The following C8A variants were observed in gnomAD, a reference collection of about 807,000 sequenced individuals.
C8A encodes the protein complement component C8 alpha chain.
In C8A, 67 loss-of-function variants were observed where a neutral mutation model predicts 65.3. The ratio of observed to expected loss-of-function variants is 1.03; its 90% CI spans 0.84 to 1.26. The LOEUF (loss-of-function observed/expected upper bound fraction) is 1.26, where lower values mean the gene tolerates loss of function less well. C8A is among the 50% of genes most tolerant of loss of function. The pLI is 0.00. For synonymous variants in C8A, 290 were observed against 259.4 expected (o/e 1.12, Z -1.13); for missense variants, 781 against 723.9 (o/e 1.08, Z -0.90).
At chr1:56,873,429 C>A (rs2101212906) in intron 2 of C8A, among the ~76,000 whole-genome samples, 1 of 152,280 alleles carries the variant, frequency 6.6e-6, no homozygotes, top group Admixed American at 6.5e-5. Flanking sequence ...TGCTCATGGG[C>A]AGTTGGTAAG....
Position 56,912,641 on chromosome 1 carries a change from C to T in C8A, c.1603+16C>T, listed in dbSNP as rs372003310. On this transcript the variant is annotated intron_variant, in intron 10 of 10. Coordinates refer to ENST00000361249, the MANE Select transcript of C8A (RefSeq NM_000562.3). Reference sequence around the variant, plus strand: ...CAGACAGAAGGTAAGGTCCGTGCATCCCCACCCAGTTCCAGCCTGTCCCAG... The same window carrying T: ...CAGACAGAAGGTAAGGTCCGTGCATTCCCACCCAGTTCCAGCCTGTCCCAG... The T allele has an allele frequency of 1.9e-6, 3 of 1,609,752 alleles. No homozygotes were observed. Among genetic ancestry groups the T allele is most frequent in the Non-Finnish European group, 1.7e-6 (2 of 1,176,546 alleles).
At chr1:56,903,373 T>G (rs772224607) in intron 7 of C8A, among the ~76,000 whole-genome samples, 17 of 152,170 alleles carry the variant, frequency 1.1e-4, no homozygotes, top group Non-Finnish European at 2.2e-4. Flanking sequence ...AAGAAGGATG[T>G]GTTTGCTTCC....
intron 7 of C8A, among the ~76,000 whole-genome samples, chr1:56,896,906 C>T (rs1037255048): frequency 6.6e-6 from 1 of 152,140 alleles, no homozygotes; most frequent in Admixed American, 6.5e-5. Flanking sequence ...CTTATCCAAG[C>T]CTTGTGGCAA....
chr1:56,864,045 C>T (rs1282901467), intron 1 of C8A, among the ~76,000 whole-genome samples: 1 of 152,078 alleles, frequency 6.6e-6, no homozygotes, highest in Non-Finnish European at 1.5e-5. Flanking sequence ...ATTCATAGAG[C>T]CTAGAATCTG....
In C8A at chr1:56,915,822, C is replaced by T. The variant is rs142390377; in HGVS notation, c.1604-1743C>T. ...ACATTACACCCTACTGAGTCACATCCTAAGAGTGAGGAAATTTGGGGAATG... is the reference window on the plus strand; with the variant it reads ...ACATTACACCCTACTGAGTCACATCTTAAGAGTGAGGAAATTTGGGGAATG... On this transcript the variant is annotated intron_variant, in intron 10 of 10. Coordinates refer to ENST00000361249, the MANE Select transcript of C8A (RefSeq NM_000562.3). Among the ~76,000 whole-genome samples the T allele has an allele frequency of 1.2e-3, 190 of 152,272 alleles. 1 individual carries two copies. Among genetic ancestry groups the T allele is most frequent in the African/African-American group, 4.1e-3 (172 of 41,538 alleles).
rs61482695 is a variant in C8A, at chr1:56,883,467, C to CTT, written c.655-5_655-4dup. 1.1e-5 allele frequency: 15 copies of CTT among 1,371,068 alleles called. No individual in the cohort carries two copies. Among genetic ancestry groups the CTT allele is most frequent in the Admixed American group, 1.9e-5 (1 of 52,810 alleles). 84.9% of individuals were successfully genotyped at this position (1,371,068 alleles called of 1,614,324 possible). ...TATGTGCACAAAGCTAATATCTATCCTTTTTTTTTTCAGGCCCTGGCAGAT... is the reference window on the plus strand; with the variant it reads ...TATGTGCACAAAGCTAATATCTATCCTTTTTTTTTTTTCAGGCCCTGGCAGAT... On this transcript the variant is annotated splice_polypyrimidine_tract_variant and intron_variant, in intron 5 of 10. Transcript: ENST00000361249.
At chr1:56,895,691 C>A (rs1014804671) in intron 7 of C8A, among the ~76,000 whole-genome samples, 4 of 152,142 alleles carry the variant, frequency 2.6e-5, no homozygotes, top group Admixed American at 1.3e-4. Flanking sequence ...GTAATCCTAG[C>A]ATTTTTGGAG....
intron 4 of C8A, among the ~76,000 whole-genome samples, chr1:56,877,058 A>G (rs1445947750): frequency 1.3e-5 from 2 of 152,206 alleles, no homozygotes; most frequent in African/African-American, 4.8e-5. Flanking sequence ...AAGAAGACAA[A>G]GATATACCAG....
intron 1 of C8A, among the ~76,000 whole-genome samples, chr1:56,864,654 G>T (rs1225927501): frequency 6.6e-6 from 1 of 152,134 alleles, no homozygotes; most frequent in Non-Finnish European, 1.5e-5. Context: ...TGGATGACTC[G>T]TTTATAAGGA....
chr1:56,876,242 G>T (rs759705131), intron 4 of C8A, 33 bp downstream of exon 4: 2 of 1,613,238 alleles, frequency 1.2e-6, no homozygotes, highest in South Asian at 2.2e-5. Flanking sequence ...TTTAGGAGCA[G>T]GGAATGATTT....
chr1:56,910,253 T>TTGTTA (rs1176070842), intron 9 of C8A, among the ~76,000 whole-genome samples: 2 of 152,210 alleles, frequency 1.3e-5, no homozygotes, highest in African/African-American at 4.8e-5. Flanking sequence ...TTATGTTATT[T>TTGTTA]TGTTATGTTG....
At chr1:56,892,564 C>A (rs1245659998) in intron 7 of C8A, among the ~76,000 whole-genome samples, 2 of 152,108 alleles carry the variant, frequency 1.3e-5, no homozygotes, top group Non-Finnish European at 2.9e-5. Flanking sequence ...GTCACCTCCT[C>A]CGTATCCACA....
At chr1:56,883,811 C>A in intron 6 of C8A, 130 bp downstream of exon 6, 2 of 755,366 alleles carry the variant, frequency 2.6e-6, no homozygotes, top group Non-Finnish European at 4.3e-6. Context: ...AATGTCTGAT[C>A]AGTGGTAATC....
At chr1:56,863,310 G>T (rs1644052208) in intron 1 of C8A, among the ~76,000 whole-genome samples, 1 of 152,134 alleles carries the variant, frequency 6.6e-6, no homozygotes, top group African/African-American at 2.4e-5. Flanking sequence ...TTGGCTAAAA[G>T]GTTGGAGCCC....
intron 7 of C8A, among the ~76,000 whole-genome samples, chr1:56,897,586 C>T (rs1557711148): frequency 6.6e-6 from 1 of 152,150 alleles, no homozygotes; most frequent in African/African-American, 2.4e-5. Context: ...ACAAAGGCAG[C>T]CCAGATGATT....
rs775091688 is a variant in C8A at position 56,867,701 on chromosome 1, AG to A, written c.171+1del. Reference protein sequence around the residue: ...WTDCFPCQDKKYRHRSLLQPN... With the variant: ...WTDCFPCQDKXYRHRSLLQPN... ...GATTGCTTTCCGTGCCAGGACAAAA[AG>A]GTGAGACACTTACAACCGGTTTGGG... On this transcript the variant is annotated frameshift_variant and splice_region_variant, in exon 2 of 11. Coordinates refer to ENST00000361249, the MANE Select transcript of C8A (RefSeq NM_000562.3). LOFTEE classifies it high-confidence loss of function. 4 of 1,612,356 alleles carry A rather than the reference AG, an allele frequency of 2.5e-6. No individual in the cohort carries two copies. The South Asian group carries it at 4.4e-5, about 18-fold the overall frequency.
intron 2 of C8A, among the ~76,000 whole-genome samples, chr1:56,868,452 T>C (rs1233215228): frequency 1.3e-5 from 2 of 151,220 alleles, no homozygotes; most frequent in Non-Finnish European, 2.9e-5. Flanking sequence ...CTACAAAAAA[T>C]ACACACACAC....
intron 10 of C8A, among the ~76,000 whole-genome samples, chr1:56,915,516 T>C (rs1196620079): frequency 6.6e-6 from 1 of 152,170 alleles, no homozygotes; most frequent in Admixed American, 6.5e-5. Context: ...GGGTATGGAC[T>C]GGGTTGTAGC....
intron 10 of C8A, among the ~76,000 whole-genome samples, chr1:56,916,891 CCTCTGCGGCTCCATTGCCAGAAT>C (rs1644557115): frequency 6.6e-6 from 1 of 152,164 alleles, no homozygotes; most frequent in African/African-American, 2.4e-5. Flanking sequence ...AGCCTGTCAC[CCTCTGCGGCTCCATTGCCAGAAT>C]CTGAGGGGGT....
Sources: gnomAD v4.1 joint callset for allele counts (sites outside exome capture counted in the v4.1 genomes callset) on GRCh38, gnomAD v4.1.1 for gene constraint, MANE v1.5 for transcripts, NCBI Gene and HGNC (gene_info 2026-07-23, HGNC 2026-07-21) for gene names.